Variants in CPHXL observed in about 807,000 individuals in gnomAD.
CPHXL encodes cytoplasmic polyadenylated homeobox like.
In CPHXL at chr16:75,726,449, G is replaced by A; in HGVS notation, c.-7C>T. ...AAGTGCCGTCCAAATTCATCTTGGG[G>A]TAGAAGACCTGGACTTCACGGAGAC... is the stretch of plus-strand genomic sequence containing the variant. On this transcript the variant is annotated 5_prime_UTR_variant, in exon 1 of 3. Transcript: ENST00000640559. The A allele has an allele frequency of 5.0e-6, 2 of 398,598 alleles. No homozygotes were observed. The highest frequency in any genetic ancestry group is 8.8e-6 in the Non-Finnish European group (2 of 226,076). 24.7% of individuals were successfully genotyped at this position (398,598 alleles called of 1,614,324 possible).
chr16:75,725,757 T>A, intron 1 of CPHXL, among the ~76,000 whole-genome samples: 1 of 117,402 alleles, frequency 8.5e-6, no homozygotes, highest in South Asian at 3.0e-4. Flanking sequence ...CGGCGTCTTT[T>A]TTTTTTTTTT....
chr16:75,716,148 ACAC>A (rs1251661381), intron 2 of CPHXL, among the ~76,000 whole-genome samples: 1 of 152,098 alleles, frequency 6.6e-6, no homozygotes, highest in Non-Finnish European at 1.5e-5. Context: ...CTCTGCTCTC[ACAC>A]CACAACAATC....
chr16:75,725,851 C>A (rs932584422), intron 1 of CPHXL, among the ~76,000 whole-genome samples: 1 of 146,562 alleles, frequency 6.8e-6, no homozygotes, highest in Non-Finnish European at 1.5e-5. Flanking sequence ...CCTGCTTTGG[C>A]CTCCTTGTTT....
chr16:75,721,799 C>T (rs957980772), intron 1 of CPHXL, among the ~76,000 whole-genome samples: 1 of 152,182 alleles, frequency 6.6e-6, no homozygotes, highest in Non-Finnish European at 1.5e-5. Flanking sequence ...ACAGAATATA[C>T]ATTCTTCTCA....
chr16:75,716,021 C>G (rs1340666415), intron 2 of CPHXL, among the ~76,000 whole-genome samples: 1 of 152,008 alleles, frequency 6.6e-6, no homozygotes, highest in Non-Finnish European at 1.5e-5. Context: ...CTTATATGTA[C>G]ATAATTCTGA....
rs182751908 is a variant in CPHXL at position 75,714,935 on chromosome 16, C to T, written c.507G>A (p.Val169=). The T allele has an allele frequency of 2.5e-6, 1 of 398,628 alleles. No individual in the cohort carries two copies. Among genetic ancestry groups the T allele is most frequent in the Admixed American group, 4.4e-5 (1 of 22,732 alleles). 24.7% of individuals were successfully genotyped at this position (398,628 alleles called of 1,614,324 possible). The change falls in exon 3 of 3, where the codon GTG becomes GTA. Residue 169 remains valine (V), a synonymous_variant. Transcript: ENST00000640559. ...TCTCCAGATAAGAGCACTGGGGGCC[C>T]ACCTGTTGACTGGGAGTCTCTTGGT... ...LENQETPSQQ[V]GPQCSYLEKP... is the part of the protein sequence containing the mutation.
intron 1 of CPHXL, 103 bp downstream of exon 1, chr16:75,726,315 T>A (rs1350225119): frequency 5.0e-6 from 2 of 398,124 alleles, no homozygotes; most frequent in Non-Finnish European, 8.9e-6. Flanking sequence ...CAGCTGCTGC[T>A]CCAACAATCT....
intron 2 of CPHXL, among the ~76,000 whole-genome samples, chr16:75,717,751 C>G (rs1287692883): frequency 6.6e-6 from 1 of 152,158 alleles, no homozygotes; most frequent in African/African-American, 2.4e-5. Context: ...CATTTTTTAA[C>G]TTTCCAAATA....
intron 2 of CPHXL, among the ~76,000 whole-genome samples, chr16:75,717,917 T>C (rs1959416651): frequency 6.6e-6 from 1 of 152,202 alleles, no homozygotes; most frequent in Non-Finnish European, 1.5e-5. Context: ...TCTGTACTTA[T>C]TGCCCTTTAA....
Position 75,714,815 on chromosome 16 carries a change from A to C in CPHXL, c.627T>G (p.Tyr209Ter), listed in dbSNP as rs1959366734. 1 of 398,672 alleles carries C rather than the reference A, an allele frequency of 2.5e-6. No homozygotes were observed. Among genetic ancestry groups the C allele is most frequent in the Non-Finnish European group, 4.4e-6 (1 of 226,110 alleles). The allele number at this position is 398,672 out of a possible 1,614,324, so 24.7% of individuals were successfully genotyped here. Residue 209 changes from tyrosine to a stop codon, truncating the protein, a stop_gained, in exon 3 of 3, where the codon TAT becomes TAG. Transcript: ENST00000640559. LOFTEE classifies it low-confidence loss of function (END_TRUNC). ...PSQQVASQSSYLVTGTEKHPG... is the reference protein window; with the variant it reads ...PSQQVASQSS ...GATGCTTTTCAGTGCCTGTGACCAG[A>C]TAGGAACTCTGGGAGGCCACCTGTT...
At chr16:75,724,873 G>C (rs915765266) in intron 1 of CPHXL, among the ~76,000 whole-genome samples, 5 of 152,126 alleles carry the variant, frequency 3.3e-5, no homozygotes, top group Non-Finnish European at 7.4e-5. Flanking sequence ...TTGGAACCAA[G>C]CCAAATGTCC....
rs569115464 is a variant in CPHXL at position 75,714,395 on chromosome 16, C to T, written c.1047G>A (p.Ser349=). ...GPWDLGKQWS[S]AQSQLQSQLP... is the part of the protein sequence containing the mutation. ...GTTGACTCTGCAGCTGTGACTGAGC[C>T]GAGGACCACTGCTTCCCTAGATCCC... Residue 349 remains serine (S), a synonymous_variant, in exon 3 of 3, where the codon TCG becomes TCA. Coordinates refer to ENST00000640559, the MANE Select transcript of CPHXL (RefSeq NM_001355613.1). 9.3e-5 allele frequency: 37 copies of T among 398,462 alleles called. No homozygotes were observed. Among genetic ancestry groups the T allele is most frequent in the Non-Finnish European group, 1.4e-4 (32 of 226,084 alleles). 24.7% of individuals were successfully genotyped at this position (398,462 alleles called of 1,614,324 possible).
chr16:75,721,383 G>A (rs1959474912), intron 1 of CPHXL, among the ~76,000 whole-genome samples: 1 of 152,104 alleles, frequency 6.6e-6, no homozygotes, highest in African/African-American at 2.4e-5. Context: ...ACACACATAG[G>A]CTCAAAATAA....
intron 1 of CPHXL, among the ~76,000 whole-genome samples, chr16:75,720,796 A>C (rs201367374): frequency 6.6e-6 from 1 of 152,198 alleles, no homozygotes; most frequent in Non-Finnish European, 1.5e-5. Flanking sequence ...CAAGACACAT[A>C]ATTGTCAGAT....
rs1004253651 is a variant in CPHXL, at chr16:75,718,402, T to C, written c.82A>G (p.Lys28Glu). Residue 28 changes from lysine to glutamate, a missense_variant, in exon 2 of 3, where the codon AAA (lysine) becomes GAA (glutamate). Transcript: ENST00000640559. ...GAAAATTTATGTCGGTGTTTTGTTT[T>C]TCTTTTATTCTTTGTTTGTCTTTCT... ...NEERQTKNKR[K>E]TKHRHKFSEE... The C allele has an allele frequency of 2.5e-6, 1 of 398,760 alleles. No homozygotes were observed. 24.7% of individuals were successfully genotyped at this position (398,760 alleles called of 1,614,324 possible).
At chr16:75,715,677 T>C (rs1231320468) in intron 2 of CPHXL, among the ~76,000 whole-genome samples, 1 of 152,114 alleles carries the variant, frequency 6.6e-6, no homozygotes, top group Non-Finnish European at 1.5e-5. Flanking sequence ...TTTTCTGACA[T>C]ACACATTTCT....
chr16:75,725,545 C>T (rs1170947973), intron 1 of CPHXL, among the ~76,000 whole-genome samples: 8 of 151,590 alleles, frequency 5.3e-5, no homozygotes, highest in Non-Finnish European at 8.8e-5. Flanking sequence ...CTCCGCCTCC[C>T]GGGTTCACGC....
chr16:75,715,636 T>C (rs1959379788), intron 2 of CPHXL, among the ~76,000 whole-genome samples: 1 of 152,028 alleles, frequency 6.6e-6, no homozygotes, highest in Non-Finnish European at 1.5e-5. Flanking sequence ...ACTTTACTCA[T>C]ACTCTCCCGC....
chr16:75,723,281 T>C (rs1959504172), intron 1 of CPHXL, among the ~76,000 whole-genome samples: 1 of 152,040 alleles, frequency 6.6e-6, no homozygotes, highest in Non-Finnish European at 1.5e-5. Flanking sequence ...AAATAAAGGG[T>C]ATTCAATTAG....
Sources: gnomAD v4.1 joint callset for allele counts (sites outside exome capture counted in the v4.1 genomes callset) on GRCh38, gnomAD v4.1.1 for gene constraint, MANE v1.5 for transcripts, NCBI Gene and HGNC (gene_info 2026-07-23, HGNC 2026-07-21) for gene names.